Variants in ADGRV1 observed in about 807,000 individuals in gnomAD.
ADGRV1 encodes the protein adhesion G protein-coupled receptor V1, also known as G-protein coupled receptor 98.
A neutral mutation model predicts 596.2 loss-of-function variants in ADGRV1; 359 were observed. That is an observed-to-expected ratio of 0.60 (90% CI 0.55 to 0.66). The LOEUF is 0.66. Ranked by LOEUF, ADGRV1 falls within the 30% of genes least tolerant of loss-of-function variation. The pLI is 0.00. For synonymous variants in ADGRV1, 2,681 were observed against 2,679.2 expected (o/e 1.00, Z -0.02); for missense variants, 7,274 against 7,575.6 (o/e 0.96, Z 1.48).
chr5:90,961,353 G>C (rs1214542442), intron 83 of ADGRV1, among the ~76,000 whole-genome samples: 1 of 151,952 alleles, frequency 6.6e-6, no homozygotes, highest in East Asian at 1.9e-4. Context: ...ACAAAAAATG[G>C]TGGCACGCCC....
chr5:90,894,265 C>A (rs1771091489), intron 83 of ADGRV1, among the ~76,000 whole-genome samples: 1 of 152,148 alleles, frequency 6.6e-6, no homozygotes. Context: ...CATTCTCAAA[C>A]CTTTTTCCAG....
intron 43 of ADGRV1, among the ~76,000 whole-genome samples, chr5:90,719,282 C>T (rs1003867154): frequency 1.2e-4 from 18 of 151,864 alleles, no homozygotes; most frequent in African/African-American, 4.4e-4. Flanking sequence ...CAGAGTGCCA[C>T]TGCATTTCAG....
intron 87 of ADGRV1, among the ~76,000 whole-genome samples, chr5:91,127,951 C>CCTCT (rs1380965578): frequency 6.6e-6 from 1 of 152,024 alleles, no homozygotes; most frequent in Admixed American, 6.6e-5. Context: ...TGGAAGTGTG[C>CCTCT]CTCTTTGTGT....
chr5:90,976,193 C>T lies in ADGRV1; in HGVS notation c.17974-9151C>T, dbSNP rs528228213. Among the ~76,000 whole-genome samples, 72 of 143,454 alleles carry T rather than the reference C, an allele frequency of 5.0e-4. 1 individual carries two copies. The highest frequency in any genetic ancestry group is 1.9e-3 in the African/African-American group (69 of 37,178). The allele number at this position is 143,454 out of a possible 152,430, so 94.1% of individuals were successfully genotyped here. Reference sequence around the variant, plus strand: ...ATTTATAAATATTTAAATAAGCAGACATGTGTTCTTGTGTGTGAGTGTGTA... The same window carrying T: ...ATTTATAAATATTTAAATAAGCAGATATGTGTTCTTGTGTGTGAGTGTGTA... On this transcript the variant is annotated intron_variant, in intron 84 of 89. Coordinates refer to ENST00000405460, the MANE Select transcript of ADGRV1 (RefSeq NM_032119.4).
chr5:90,605,064 C>T (rs978238011), intron 1 of ADGRV1, among the ~76,000 whole-genome samples: 1 of 151,978 alleles, frequency 6.6e-6, no homozygotes, highest in African/African-American at 2.4e-5. Flanking sequence ...CTCATGCAAA[C>T]GGGAGTACAT....
chr5:90,667,662 G>C (rs567069526), intron 21 of ADGRV1, among the ~76,000 whole-genome samples: 9,365 of 151,842 alleles, frequency 0.062, 406 homozygotes, highest in Non-Finnish European at 0.088. Context: ...GAGGAACTGC[G>C]TTCCTTTGGA....
At chr5:90,662,286 C>T (rs1173625643) in intron 21 of ADGRV1, among the ~76,000 whole-genome samples, 4 of 151,348 alleles carry the variant, frequency 2.6e-5, no homozygotes, top group East Asian at 1.9e-4. Context: ...CTCCACCTCC[C>T]GGGTTCACGC....
chr5:90,645,217 G>A (rs553482496), intron 15 of ADGRV1, among the ~76,000 whole-genome samples: 2 of 152,176 alleles, frequency 1.3e-5, no homozygotes, highest in Admixed American at 6.5e-5. Flanking sequence ...ACACGGGGTC[G>A]CATGAGTCAT....
chr5:90,712,162 C>G (rs530672817), intron 41 of ADGRV1, 125 bp from the exon 42 acceptor site: 2 of 568,614 alleles, frequency 3.5e-6, no homozygotes, highest in South Asian at 9.3e-5. Context: ...TATAAGGAGA[C>G]AAAATTCAAT....
At chr5:91,080,100 A>T (rs1171670889) in intron 86 of ADGRV1, among the ~76,000 whole-genome samples, 1 of 152,158 alleles carries the variant, frequency 6.6e-6, no homozygotes, top group African/African-American at 2.4e-5. Flanking sequence ...TACATGTGAC[A>T]TTTTGTAACA....
At chr5:90,920,444 A>T (rs921630473) in intron 83 of ADGRV1, among the ~76,000 whole-genome samples, 22 of 151,784 alleles carry the variant, frequency 1.4e-4, no homozygotes, top group Admixed American at 1.0e-3. Flanking sequence ...TCCTAAATTT[A>T]AAAAAAAATT....
chr5:90,757,711 A>G (rs184286412), intron 57 of ADGRV1, among the ~76,000 whole-genome samples: 4 of 152,374 alleles, frequency 2.6e-5, no homozygotes, highest in Admixed American at 2.6e-4. Context: ...TAAATATTAT[A>G]AAACATTCCC....
Position 90,625,299 on chromosome 5 carries a change from T to C in ADGRV1, c.672+56T>C, listed in dbSNP as rs41311331. On this transcript the variant is annotated intron_variant, in intron 6 of 89. Transcript: ENST00000405460. ...AAGGATTCTGTGTTGCAGGACACAG[T>C]CCTGTATAAACTTAGTGTATTGTGG... 20,287 of 1,116,004 alleles carry C rather than the reference T, an allele frequency of 0.018. 2,515 individuals are homozygous for C. In the African/African-American group the frequency reaches 0.27, roughly 15 times the overall value. 69.1% of individuals were successfully genotyped at this position (1,116,004 alleles called of 1,614,324 possible).
intron 9 of ADGRV1, chr5:90,629,826 T>C (rs901594911): frequency 4.3e-6 from 1 of 235,140 alleles, no homozygotes; most frequent in African/African-American, 2.2e-5. Flanking sequence ...ATGGATGACA[T>C]AGTAGAGTAA....
At chr5:91,133,751 T>G (rs1305183169) in intron 87 of ADGRV1, among the ~76,000 whole-genome samples, 1 of 152,216 alleles carries the variant, frequency 6.6e-6, no homozygotes, top group Non-Finnish European at 1.5e-5. Flanking sequence ...CGAATCCCAC[T>G]AACTTTGATT....
intron 89 of ADGRV1, among the ~76,000 whole-genome samples, chr5:91,163,475 C>T (rs1797120052): frequency 6.6e-6 from 1 of 152,096 alleles, no homozygotes; most frequent in Admixed American, 6.6e-5. Flanking sequence ...TTTGATGAGC[C>T]CTCAATTGAG....
chr5:90,674,247 T>C lies in ADGRV1; in HGVS notation c.5110+13T>C, dbSNP rs397517431. 3.9e-5 allele frequency: 61 copies of C among 1,545,766 alleles called. No homozygotes were observed. Among genetic ancestry groups the C allele is most frequent in the Non-Finnish European group, 5.3e-5 (61 of 1,148,670 alleles). On this transcript the variant is annotated intron_variant, in intron 23 of 89. Coordinates refer to ENST00000405460, the MANE Select transcript of ADGRV1 (RefSeq NM_032119.4). ...GATCATCCATATGGTAACCTGCTCCTTTTGCAAGAAAAATCCTCTCTTCTC... is the reference window on the plus strand; with the variant it reads ...GATCATCCATATGGTAACCTGCTCCCTTTGCAAGAAAAATCCTCTCTTCTC...
intron 83 of ADGRV1, among the ~76,000 whole-genome samples, chr5:90,894,123 A>G (rs1217638301): frequency 6.6e-6 from 1 of 152,194 alleles, no homozygotes; most frequent in African/African-American, 2.4e-5. Context: ...CCAAATGCAA[A>G]CAATAAAAAC....
intron 10 of ADGRV1, among the ~76,000 whole-genome samples, chr5:90,635,982 G>T (rs1766147576): frequency 6.6e-6 from 1 of 150,804 alleles, no homozygotes; most frequent in Non-Finnish European, 1.5e-5. Context: ...CATTCCATAT[G>T]CTTGGGTTGG....
Sources: allele counts gnomAD v4.1 joint callset (sites outside exome capture counted in the v4.1 genomes callset), GRCh38; gene constraint gnomAD v4.1.1; transcripts MANE v1.5; gene names NCBI Gene and HGNC (gene_info 2026-07-23, HGNC 2026-07-21).